FAM169A: variants seen among roughly 807,000 people sequenced by gnomAD.
FAM169A encodes family with sequence similarity 169 member A, also known as soluble lamin-associated protein of 75 kDa.
Under a neutral mutation model 75.7 loss-of-function variants are expected in FAM169A, and 24 were observed. The observed-to-expected ratio is 0.32, with a 90% confidence interval of 0.23 to 0.45. The LOEUF (loss-of-function observed/expected upper bound fraction) is 0.45. Ranked by LOEUF, FAM169A falls within the 20% of genes least tolerant of loss-of-function variation. The pLI, the probability that FAM169A is intolerant of heterozygous loss-of-function variation, is 1.00. For synonymous variants in FAM169A, 271 were observed against 271.0 expected, an observed-to-expected ratio of 1.00 and a Z score of 0.00; for missense variants, 673 against 784.0, an observed-to-expected ratio of 0.86 and a Z score of 1.69.
chr5:74,858,940 A>G (rs933375551), intron 1 of FAM169A, among the ~76,000 whole-genome samples: 2 of 152,110 alleles, frequency 1.3e-5, no homozygotes, highest in African/African-American at 2.4e-5. Context: ...AAGGCTGTGC[A>G]TGGTGGCTTA....
At chr5:74,810,993 T>C (rs1263113581) in intron 6 of FAM169A, among the ~76,000 whole-genome samples, 2 of 146,814 alleles carry the variant, frequency 1.4e-5, no homozygotes, top group Non-Finnish European at 3.0e-5. Flanking sequence ...TTTTTTTTTT[T>C]TTTCCTTCAG....
chr5:74,808,026 G>A (rs1248688022), intron 6 of FAM169A, among the ~76,000 whole-genome samples: 3 of 152,166 alleles, frequency 2.0e-5, no homozygotes, highest in Admixed American at 2.0e-4. Flanking sequence ...TTGAACCCAG[G>A]AGGAGGAGGT....
chr5:74,846,852 A>T (rs1749181927), intron 1 of FAM169A, among the ~76,000 whole-genome samples: 1 of 152,124 alleles, frequency 6.6e-6, no homozygotes, highest in Non-Finnish European at 1.5e-5. Flanking sequence ...GGTGTTAGCC[A>T]CTGTGCGTGG....
chr5:74,862,119 G>C (rs896792714), intron 1 of FAM169A, among the ~76,000 whole-genome samples: 1 of 152,160 alleles, frequency 6.6e-6, no homozygotes, highest in African/African-American at 2.4e-5. Flanking sequence ...TTTGCTTCAA[G>C]GCTTTGCCAA....
intron 1 of FAM169A, among the ~76,000 whole-genome samples, chr5:74,847,469 T>A (rs1209063756): frequency 6.6e-6 from 1 of 152,190 alleles, no homozygotes; most frequent in Non-Finnish European, 1.5e-5. Context: ...GAATCTCAAC[T>A]CATTTTTTTA....
At chr5:74,798,942 C>T (rs376173222) in intron 10 of FAM169A, 13 of 834,156 alleles carry the variant, frequency 1.6e-5, no homozygotes, top group African/African-American at 1.2e-4. Flanking sequence ...GCTCCAAGAC[C>T]GTCCGGACTG....
intron 5 of FAM169A, among the ~76,000 whole-genome samples, chr5:74,814,745 A>G (rs986887775): frequency 5.9e-5 from 9 of 152,168 alleles, no homozygotes; most frequent in African/African-American, 1.9e-4. Flanking sequence ...ACCCTGCTCT[A>G]TATCTGGGTT....
intron 6 of FAM169A, among the ~76,000 whole-genome samples, chr5:74,807,452 C>T (rs902731149): frequency 2.6e-5 from 4 of 152,188 alleles, no homozygotes; most frequent in Admixed American, 2.0e-4. Flanking sequence ...TATCATACCA[C>T]ATATCATTAG....
At position 74,805,658 on chromosome 5, in the gene FAM169A, G is replaced by A. The variant is rs6863454; in HGVS notation, c.671-374C>T. Among the ~76,000 whole-genome samples the A allele has an allele frequency of 4.0e-3, 604 of 150,900 alleles. 2 individuals carry two copies. The highest frequency in any genetic ancestry group is 0.014 in the African/African-American group (582 of 41,128). On this transcript the variant is annotated intron_variant, in intron 6 of 12. Coordinates refer to ENST00000687041, the MANE Select transcript of FAM169A (RefSeq NM_001376049.1). Reference sequence around the variant, plus strand: ...CAATTCTCCTGCCTCAGTCTCCTGAGTAGCTGGGATTACAGGCACCCACCG... The same window carrying A: ...CAATTCTCCTGCCTCAGTCTCCTGAATAGCTGGGATTACAGGCACCCACCG...
At chr5:74,814,361 T>C (rs1030191572) in intron 5 of FAM169A, among the ~76,000 whole-genome samples, 3 of 152,162 alleles carry the variant, frequency 2.0e-5, no homozygotes, top group Middle Eastern at 3.2e-3. Context: ...CATCAACTAT[T>C]AAAATTTCAA....
chr5:74,783,098 C>T lies in FAM169A; in HGVS notation c.1297G>A (p.Asp433Asn). The change falls in exon 12 of 13, where the codon GAC (aspartate) becomes AAC (asparagine). Residue 433 changes from aspartate (D) to asparagine (N), a missense_variant. Physicochemically the swap from Asp to Asn is conservative, Grantham distance 23. Around this residue, in one of 3 missense-constraint regions of FAM169A, gnomAD observed 510 missense variants for 550.9 expected, o/e 0.93. Coordinates refer to ENST00000687041, the MANE Select transcript of FAM169A (RefSeq NM_001376049.1). The part of the protein sequence containing the change: ...ELEPMNGEIM[D>N]DSLKTSLITE... ...ATAAGTGAGGTCTTAAGAGAATCGTCCATTATCTCACCATTCATAGGCTCT... is the reference window on the plus strand; with the variant it reads ...ATAAGTGAGGTCTTAAGAGAATCGTTCATTATCTCACCATTCATAGGCTCT... 1 of 1,613,614 alleles carries T rather than the reference C, an allele frequency of 6.2e-7. No homozygotes were observed. The highest frequency in any genetic ancestry group is 8.5e-7 in the Non-Finnish European group (1 of 1,179,644).
At chr5:74,835,963 A>C (rs932864396) in intron 4 of FAM169A, among the ~76,000 whole-genome samples, 5 of 152,208 alleles carry the variant, frequency 3.3e-5, no homozygotes, top group African/African-American at 1.2e-4. Flanking sequence ...ATTTCACAGC[A>C]ATGTTAAACA....
chr5:74,826,931 C>T (rs557109702), intron 5 of FAM169A, among the ~76,000 whole-genome samples: 2 of 152,278 alleles, frequency 1.3e-5, no homozygotes, highest in South Asian at 4.1e-4. Flanking sequence ...TCCATCTCCC[C>T]TTGTCACTCA....
chr5:74,799,705 C>A, intron 10 of FAM169A: 2 of 1,247,352 alleles, frequency 1.6e-6, no homozygotes, highest in Admixed American at 1.7e-5. Flanking sequence ...AAAAAGTGTG[C>A]ATGTCTCAAT....
rs1194674402 is a variant in FAM169A, at chr5:74,805,524, C to CTTTTTTTTTTTTTTTTT, written c.671-257_671-241dup. Among the ~76,000 whole-genome samples, 45 of 81,924 alleles carry CTTTTTTTTTTTTTTTTT rather than the reference C, an allele frequency of 5.5e-4. 4 individuals are homozygous for CTTTTTTTTTTTTTTTTT. Among genetic ancestry groups the CTTTTTTTTTTTTTTTTT allele is most frequent in the African/African-American group, 2.3e-3 (43 of 18,436 alleles). 53.7% of individuals were successfully genotyped at this position (81,924 alleles called of 152,430 possible). ...AAAAATCCTTTAAAAATGTGCTTCG[C>CTTTTTTTTTTTTTTTTT]TTTTTTTTTTTTTTTTTTTTTTTGG... On this transcript the variant is annotated intron_variant, in intron 6 of 12. Transcript: ENST00000687041.
chr5:74,796,697 C>T (rs1490632696), intron 10 of FAM169A, among the ~76,000 whole-genome samples: 1 of 152,032 alleles, frequency 6.6e-6, no homozygotes, highest in Non-Finnish European at 1.5e-5. Flanking sequence ...AGCCACAGCG[C>T]CCAGCCTGAA....
chr5:74,837,121 T>C (rs1048110994), intron 4 of FAM169A, among the ~76,000 whole-genome samples: 4 of 152,146 alleles, frequency 2.6e-5, no homozygotes, highest in Non-Finnish European at 5.9e-5. Flanking sequence ...ATATTAAGAT[T>C]TTCCCTTCTC....
chr5:74,805,728 G>GA (rs765846452), intron 6 of FAM169A, among the ~76,000 whole-genome samples: 10 of 149,948 alleles, frequency 6.7e-5, no homozygotes, highest in African/African-American at 1.5e-4. Context: ...TGCTTTTAAA[G>GA]AAAAAAATGA....
chr5:74,797,921 T>C (rs2112515389), intron 10 of FAM169A, among the ~76,000 whole-genome samples: 1 of 152,182 alleles, frequency 6.6e-6, no homozygotes, highest in South Asian at 2.1e-4. Flanking sequence ...TAATAAACAA[T>C]AAAAATATAT....
Sources: gnomAD v4.1 joint callset for allele counts (sites outside exome capture counted in the v4.1 genomes callset) on GRCh38, gnomAD v4.1.1 for gene constraint, gnomAD v4.1.1 regional missense constraint, MANE v1.5 for transcripts, NCBI Gene and HGNC (gene_info 2026-07-23, HGNC 2026-07-21) for gene names.